Variants in KMO observed in about 807,000 individuals in gnomAD.
KMO encodes kynurenine 3-monooxygenase.
Under a neutral mutation model 57.8 loss-of-function variants are expected in KMO, and 24 were observed. The ratio of observed to expected loss-of-function variants is 0.42; its 90% CI spans 0.30 to 0.58. The LOEUF (loss-of-function observed/expected upper bound fraction) is 0.58. KMO is among the 20% of genes least tolerant of loss of function. The probability of loss-of-function intolerance (pLI) is 0.22; values close to 1 mark genes in which losing one functional copy is unlikely to be tolerated. For missense variants in KMO, 483 were observed against 588.2 expected (o/e 0.82, Z 1.85); for synonymous variants, 210 against 193.6 (o/e 1.08, Z -0.70).
Position 241,592,272 on chromosome 1 carries a change from A to C in KMO, c.*119A>C. On this transcript the variant is annotated 3_prime_UTR_variant, in exon 15 of 15. Transcript: ENST00000366559. ...GGAAGATAGTGTTCTGCTTATAATT[A>C]AACTGAATGTAGAGTATCTCTGTAT... 1 of 718,782 alleles carries C rather than the reference A, an allele frequency of 1.4e-6. No individual in the cohort carries two copies. Among genetic ancestry groups the C allele is most frequent in the Non-Finnish European group, 2.3e-6 (1 of 429,032 alleles). 44.5% of individuals were successfully genotyped at this position (718,782 alleles called of 1,614,324 possible). A position where few individuals can be genotyped will look rare whatever the true frequency, so the allele number is the denominator to read the frequency against.
chr1:241,546,797 C>A (rs1017328433), intron 1 of KMO, among the ~76,000 whole-genome samples: 1 of 152,180 alleles, frequency 6.6e-6, no homozygotes, highest in Non-Finnish European at 1.5e-5. Context: ...ATCACTTAAA[C>A]ATTTGCATGC....
At chr1:241,591,511 C>T (rs1663300197) in intron 14 of KMO, among the ~76,000 whole-genome samples, 1 of 152,066 alleles carries the variant, frequency 6.6e-6, no homozygotes, top group African/African-American at 2.4e-5. Flanking sequence ...CCACTGTTTA[C>T]AGCTGGTGTT....
chr1:241,545,356 T>C (rs1329540753), intron 1 of KMO, among the ~76,000 whole-genome samples: 1 of 152,158 alleles, frequency 6.6e-6, no homozygotes, highest in East Asian at 1.9e-4. Flanking sequence ...ACAAACCAGG[T>C]AGCTTAAGAA....
At position 241,568,656 on chromosome 1, in the gene KMO, T is replaced by A. The variant is rs187112513; in HGVS notation, c.957+9T>A. 2.6e-3 allele frequency: 4,225 copies of A among 1,610,304 alleles called. 9 individuals are homozygous for A. Among genetic ancestry groups the A allele is most frequent in the Middle Eastern group, 5.0e-3 (30 of 6,044 alleles). On this transcript the variant is annotated intron_variant, in intron 10 of 14. Transcript: ENST00000366559. ...GGCAAGGAATGAATGCGGTAAGTTC[T>A]TTTTCCCTAGGTAAGTCCCTCAAAT...
intron 10 of KMO, among the ~76,000 whole-genome samples, chr1:241,576,395 A>G (rs1662520182): frequency 6.6e-6 from 1 of 152,076 alleles, no homozygotes; most frequent in Admixed American, 6.5e-5. Flanking sequence ...ATACTTGTGC[A>G]TATCAACCTT....
rs1365275616 is a variant in KMO, at chr1:241,565,154, C to T, written c.687+96C>T. On this transcript the variant is annotated intron_variant, in intron 8 of 14. Transcript: ENST00000366559. ...CTTAGAATGTATCTACCTAATTGAT[C>T]TCTTCATTGTTTAATCCATTTAGTG... The T allele has an allele frequency of 6.3e-5, 47 of 746,692 alleles. No homozygotes were observed. In the Middle Eastern group the frequency reaches 8.4e-4, roughly 13 times the overall value. The allele number at this position is 746,692 out of a possible 1,614,324, so 46.3% of individuals were successfully genotyped here. A position where few individuals can be genotyped will look rare whatever the true frequency, so the allele number is the denominator to read the frequency against.
intron 1 of KMO, among the ~76,000 whole-genome samples, chr1:241,541,821 C>CT (rs1660968721): frequency 1.3e-5 from 2 of 152,152 alleles, no homozygotes. Context: ...AGATCAAAAT[C>CT]TTGAGACGTC....
At position 241,590,220 on chromosome 1, in the gene KMO, TA is replaced by T; in HGVS notation, c.1219del (p.Arg407AspfsTer15). 1 of 1,613,426 alleles carries T rather than the reference TA, an allele frequency of 6.2e-7. No homozygotes were observed. Among genetic ancestry groups the T allele is most frequent in the South Asian group, 1.1e-5 (1 of 90,952 alleles). On this transcript the variant is annotated frameshift_variant, in exon 14 of 15. Coordinates refer to ENST00000366559, the MANE Select transcript of KMO (RefSeq NM_003679.5). LOFTEE classifies it low-confidence loss of function (END_TRUNC). ...TCCCTGCAGGTCACTTTTTCCAGAA[TA>T]AGATACCATGAGGCTGTGCAGCGTT... The part of the protein sequence containing the change: ...PLYTMVTFSR[I>X]RYHEAVQRWH...
chr1:241,583,690 A>G (rs182561642), intron 10 of KMO, among the ~76,000 whole-genome samples: 86 of 152,218 alleles, frequency 5.6e-4, no homozygotes, highest in Middle Eastern at 3.4e-3. Flanking sequence ...GTTATACTGT[A>G]TTTTTATTTG....
At position 241,595,198 on chromosome 1, in the gene KMO, A is replaced by G. The variant is rs1016639077; in HGVS notation, c.*3045A>G. 2.0e-5 allele frequency: 3 copies of G among 153,438 alleles called. No homozygotes were observed. Among genetic ancestry groups the G allele is most frequent in the African/African-American group, 7.2e-5 (3 of 41,466 alleles). 9.5% of individuals were successfully genotyped at this position (153,438 alleles called of 1,614,324 possible). A position where few individuals can be genotyped will look rare whatever the true frequency, so the allele number is the denominator to read the frequency against. On this transcript the variant is annotated 3_prime_UTR_variant, in exon 15 of 15. Coordinates refer to ENST00000366559, the MANE Select transcript of KMO (RefSeq NM_003679.5). ...TTACTAATCAGTTGGGGAAAAAAAT[A>G]CTATAGCAGACAGCACTAATGTCAT...
intron 1 of KMO, among the ~76,000 whole-genome samples, chr1:241,547,498 T>C (rs1311420033): frequency 6.7e-6 from 1 of 149,746 alleles, no homozygotes; most frequent in East Asian, 2.0e-4. Context: ...AGACACTTGG[T>C]GAAAGAGGAG....
In KMO at chr1:241,545,804, G is replaced by A. The variant is rs186928216; in HGVS notation, c.55-3025G>A. Among the ~76,000 whole-genome samples the A allele has an allele frequency of 1.8e-4, 27 of 152,232 alleles. 1 individual carries two copies. The East Asian group carries it at 3.7e-3, about 21-fold the overall frequency. On this transcript the variant is annotated intron_variant, in intron 1 of 14. Coordinates refer to ENST00000366559, the MANE Select transcript of KMO (RefSeq NM_003679.5). ...ATCTTTTTTTAGAGAGTGAAGCTGA[G>A]TGGAGACCTGGAGGATGAAAGGAAG...
At chr1:241,542,682 T>C (rs1661001047) in intron 1 of KMO, among the ~76,000 whole-genome samples, 1 of 152,250 alleles carries the variant, frequency 6.6e-6, no homozygotes, top group Admixed American at 6.5e-5. Flanking sequence ...TGTCTAACCC[T>C]GCCCAATTTC....
At chr1:241,571,621 C>T (rs963245048) in intron 10 of KMO, among the ~76,000 whole-genome samples, 3 of 151,970 alleles carry the variant, frequency 2.0e-5, no homozygotes, top group Non-Finnish European at 1.5e-5. Context: ...ATCCTTGCTA[C>T]CCTGGGATGA....
At chr1:241,574,113 G>T (rs1186818530) in intron 10 of KMO, among the ~76,000 whole-genome samples, 1 of 152,050 alleles carries the variant, frequency 6.6e-6, no homozygotes, top group Non-Finnish European at 1.5e-5. Flanking sequence ...TTTGTACATT[G>T]ATTTTATAAC....
Position 241,594,564 on chromosome 1 carries a change from T to C in KMO, c.*2411T>C, listed in dbSNP as rs1333603903. On this transcript the variant is annotated 3_prime_UTR_variant, in exon 15 of 15. Transcript: ENST00000366559. Reference sequence around the variant, plus strand: ...GAAAGTCACTTTTTTCTTTGGCCTGTCCCCATCTTTCTGTGACATCACAAT... The same window carrying C: ...GAAAGTCACTTTTTTCTTTGGCCTGCCCCCATCTTTCTGTGACATCACAAT... 1 of 1,614,158 alleles carries C rather than the reference T, an allele frequency of 6.2e-7. No homozygotes were observed. The highest frequency in any genetic ancestry group is 1.7e-5 in the Admixed American group (1 of 60,020).
intron 2 of KMO, among the ~76,000 whole-genome samples, chr1:241,549,274 G>GATGGAAGA (rs1661300268): frequency 2.3e-5 from 1 of 44,324 alleles, no homozygotes; most frequent in Admixed American, 1.8e-4. Context: ...AGAAAGGAAG[G>GATGGAAGA]AAGAAAGAAA....
chr1:241,586,983 T>A (rs685722), intron 11 of KMO, among the ~76,000 whole-genome samples: 139,977 of 152,262 alleles, frequency 0.92, 64,508 homozygotes, highest in African/African-American at 0.98. Flanking sequence ...ACTCAGAGAT[T>A]AAAGCTCAGA....
At position 241,532,379 on chromosome 1, in the gene KMO, A is replaced by G. The variant is rs1157712769; in HGVS notation, c.-66A>G. 18 of 1,610,398 alleles carry G rather than the reference A, an allele frequency of 1.1e-5. No homozygotes were observed. The highest frequency in any genetic ancestry group is 1.4e-5 in the Non-Finnish European group (17 of 1,178,498). ...AAACTCAGAGAAATCAGTGTGTAGGAGACACAGAAATCAGTGTCACTCAGT... is the reference window on the plus strand; with the variant it reads ...AAACTCAGAGAAATCAGTGTGTAGGGGACACAGAAATCAGTGTCACTCAGT... On this transcript the variant is annotated 5_prime_UTR_variant, in exon 1 of 15. Transcript: ENST00000366559.
Sources: allele counts gnomAD v4.1 joint callset (sites outside exome capture counted in the v4.1 genomes callset), GRCh38; gene constraint gnomAD v4.1.1; transcripts MANE v1.5; gene names NCBI Gene and HGNC (gene_info 2026-07-23, HGNC 2026-07-21).